CCDC186: variants seen among roughly 807,000 people sequenced by gnomAD.
CCDC186 encodes the protein coiled-coil domain-containing protein 186.
In CCDC186, 49 loss-of-function variants were observed where a neutral mutation model predicts 113.7. That is an observed-to-expected ratio of 0.43 (90% CI 0.34 to 0.55). The LOEUF (loss-of-function observed/expected upper bound fraction) is 0.55. CCDC186 is among the 20% of genes least tolerant of loss of function. The pLI is 0.02. For synonymous variants in CCDC186, 355 were observed against 345.8 expected (o/e 1.03, Z -0.30); for missense variants, 890 against 1,011.1 (o/e 0.88, Z 1.62).
chr10:114,161,297 G>GGGA (rs1215179381), intron 2 of CCDC186, among the ~76,000 whole-genome samples: 1 of 152,140 alleles, frequency 6.6e-6, no homozygotes, highest in East Asian at 1.9e-4. Flanking sequence ...TGCGCTTCAG[G>GGGA]TAACTCATCT....
chr10:114,163,272 G>C lies in CCDC186; in HGVS notation c.-4C>G. ...CTATGTGGTCTGTCTCTGACATGCT[G>C]ACTGGCACCAATTCACTTTGTAATT... is the stretch of plus-strand genomic sequence containing the variant. On this transcript the variant is annotated 5_prime_UTR_variant, in exon 2 of 16. Transcript: ENST00000369287. 2.5e-6 allele frequency: 4 copies of C among 1,601,018 alleles called. No homozygotes were observed. The highest frequency in any genetic ancestry group is 3.4e-6 in the Non-Finnish European group (4 of 1,177,622).
chr10:114,164,439 A>G (rs532734531), intron 1 of CCDC186, among the ~76,000 whole-genome samples: 6 of 152,142 alleles, frequency 3.9e-5, no homozygotes, highest in Admixed American at 2.6e-4. Context: ...AGATTTTTAT[A>G]TTGTTTATGG....
intron 3 of CCDC186, among the ~76,000 whole-genome samples, chr10:114,156,155 T>C (rs1392931781): frequency 6.6e-6 from 1 of 152,178 alleles, no homozygotes; most frequent in Non-Finnish European, 1.5e-5. Flanking sequence ...GTGGGGACCC[T>C]AGAGCACATA....
intron 2 of CCDC186, among the ~76,000 whole-genome samples, chr10:114,161,191 G>A (rs1055207087): frequency 2.0e-5 from 3 of 152,238 alleles, no homozygotes; most frequent in Middle Eastern, 3.4e-3. Context: ...TCTAATAACC[G>A]TATTTGAAAA....
At chr10:114,131,626 T>A (rs752037371) in intron 11 of CCDC186, among the ~76,000 whole-genome samples, 1 of 152,202 alleles carries the variant, frequency 6.6e-6, no homozygotes, top group Non-Finnish European at 1.5e-5. Flanking sequence ...GACACTCTCA[T>A]AAATTATAAA....
intron 1 of CCDC186, among the ~76,000 whole-genome samples, chr10:114,166,721 T>C (rs1278150247): frequency 1.3e-5 from 2 of 152,226 alleles, no homozygotes; most frequent in Non-Finnish European, 2.9e-5. Context: ...CACAGTGATC[T>C]AGGGAGCAAA....
chr10:114,139,228 C>G (rs2031380884), intron 6 of CCDC186, among the ~76,000 whole-genome samples: 1 of 72 alleles, frequency 0.014, no homozygotes, highest in African/African-American at 0.056. Context: ...GCTGTTCCTC[C>G]ACATGGGAAT....
intron 6 of CCDC186, among the ~76,000 whole-genome samples, chr10:114,137,740 T>C (rs1460184386): frequency 9.2e-5 from 14 of 151,838 alleles, no homozygotes; most frequent in Admixed American, 9.2e-4. Context: ...CCGTCTCTAC[T>C]AAAATAAAAA....
intron 6 of CCDC186, among the ~76,000 whole-genome samples, chr10:114,141,396 T>C (rs974443586): frequency 2.6e-5 from 4 of 152,212 alleles, no homozygotes; most frequent in African/African-American, 7.2e-5. Flanking sequence ...TATTTGAAGC[T>C]TGCTTTTAAA....
chr10:114,149,370 T>C (rs2031740640), intron 4 of CCDC186, among the ~76,000 whole-genome samples: 1 of 152,054 alleles, frequency 6.6e-6, no homozygotes, highest in Non-Finnish European at 1.5e-5. Context: ...GCAACAAATA[T>C]TTTTGGAAGG....
In CCDC186 at chr10:114,125,913, A is replaced by G; in HGVS notation, c.2586T>C (p.Asp862=). The change falls in exon 15 of 16, where the codon GAT becomes GAC. Residue 862 remains aspartate, a synonymous_variant. Coordinates refer to ENST00000369287, the MANE Select transcript of CCDC186 (RefSeq NM_018017.4). The stretch of plus-strand genomic sequence containing the variant: ...TCAAAGTAATATTTTTTAGTAACGT[A>G]TCCTCCAAAACAGCCTGTAATTTTC... ...INRKLQAVLE[D]TLLKNITLKE... The G allele has an allele frequency of 6.2e-7, 1 of 1,613,922 alleles. No homozygotes were observed.
At chr10:114,139,233 G>C (rs78275105) in intron 6 of CCDC186, among the ~76,000 whole-genome samples, 1 of 36 alleles carries the variant, frequency 0.028, no homozygotes, top group African/African-American at 0.25. Context: ...TCCTCCACAT[G>C]GGAATGCCTT....
intron 3 of CCDC186, among the ~76,000 whole-genome samples, chr10:114,154,154 TGAACCGA>T (rs1349154398): frequency 1.4e-5 from 2 of 144,814 alleles, no homozygotes; most frequent in Non-Finnish European, 3.0e-5. Context: ...GAGGTTGCAG[TGAACCGA>T]GATCGCAACA....
At chr10:114,155,192 A>G (rs556770994) in intron 3 of CCDC186, among the ~76,000 whole-genome samples, 55 of 152,362 alleles carry the variant, frequency 3.6e-4, no homozygotes, top group African/African-American at 1.3e-3. Flanking sequence ...AAAGTCACTG[A>G]ATTGTACACT....
chr10:114,144,383 T>C, intron 6 of CCDC186, 114 bp downstream of exon 6: 3 of 1,335,994 alleles, frequency 2.2e-6, no homozygotes, highest in Non-Finnish European at 3.0e-6. Context: ...CATTTGCTCT[T>C]AAAACTCATT....
rs2031268292 is a variant in CCDC186, at chr10:114,136,551, G to C, written c.1327-305C>G. ...TTTTATACTTTGAAAAGAAAGCATTGCAATTAAGTTTATTAATTGTGAAAT... is the reference window on the plus strand; with the variant it reads ...TTTTATACTTTGAAAAGAAAGCATTCCAATTAAGTTTATTAATTGTGAAAT... On this transcript the variant is annotated intron_variant, in intron 7 of 15. Transcript: ENST00000369287. Among the ~76,000 whole-genome samples the C allele has an allele frequency of 2.0e-5, 3 of 152,202 alleles. No homozygotes were observed. In the South Asian group the frequency reaches 6.2e-4, roughly 32 times the overall value.
In CCDC186 at chr10:114,124,844, T is replaced by TTA. The variant is rs2030838588; in HGVS notation, c.*297_*298dup. On this transcript the variant is annotated 3_prime_UTR_variant, in exon 16 of 16. Transcript: ENST00000369287. ...GGAAGAAATATGAACAAAGGGTTTTTTATAAAAGCCCTTGTAATGTTCAAC... is the reference window on the plus strand; with the variant it reads ...GGAAGAAATATGAACAAAGGGTTTTTTATATAAAAGCCCTTGTAATGTTCAAC... The TTA allele has an allele frequency of 3.9e-6, 1 of 259,316 alleles. No individual in the cohort carries two copies. Among genetic ancestry groups the TTA allele is most frequent in the African/African-American group, 2.2e-5 (1 of 45,496 alleles). 16.1% of individuals were successfully genotyped at this position (259,316 alleles called of 1,614,324 possible).
chr10:114,141,141 C>A (rs1051450377), intron 6 of CCDC186, among the ~76,000 whole-genome samples: 17 of 152,046 alleles, frequency 1.1e-4, no homozygotes, highest in African/African-American at 2.9e-4. Flanking sequence ...GCAATCCTCC[C>A]ACCTCAGCCT....
At chr10:114,158,565 TA>T (rs776007595) in intron 2 of CCDC186, among the ~76,000 whole-genome samples, 90 of 141,236 alleles carry the variant, frequency 6.4e-4, no homozygotes, top group Middle Eastern at 3.6e-3. Flanking sequence ...TTTTACGAAT[TA>T]AAAAAAAAAA....
Sources: gnomAD v4.1 joint callset for allele counts (sites outside exome capture counted in the v4.1 genomes callset) on GRCh38, gnomAD v4.1.1 for gene constraint, MANE v1.5 for transcripts, NCBI Gene and HGNC (gene_info 2026-07-23, HGNC 2026-07-21) for gene names.